Variants in FBXO31 observed in about 807,000 individuals in gnomAD.
FBXO31 encodes F-box only protein 31.
Under a neutral mutation model 54.4 loss-of-function variants are expected in FBXO31, and 24 were observed. The observed-to-expected ratio is 0.44, with a 90% CI of 0.32 to 0.62. FBXO31 has a LOEUF of 0.62. FBXO31 is among the 20% of genes least tolerant of loss of function. The pLI is 0.05. For missense variants in FBXO31, 665 were observed against 787.1 expected (o/e 0.84, Z 1.86); for synonymous variants, 388 against 335.6 (o/e 1.16, Z -1.71).
At chr16:87,382,628 A>AT (rs998245285) in intron 1 of FBXO31, among the ~76,000 whole-genome samples, 4 of 151,760 alleles carry the variant, frequency 2.6e-5, no homozygotes, top group Non-Finnish European at 5.9e-5. Flanking sequence ...TACTCCCGTA[A>AT]TTTTTTTTGT....
At position 87,358,592 on chromosome 16, in the gene FBXO31, T is replaced by G. The variant is rs1906000161; in HGVS notation, c.412+1703A>C. On this transcript the variant is annotated intron_variant, in intron 2 of 8. Transcript: ENST00000311635. This position sits in a 1 kb window ranked among gnomAD's most constrained non-coding sequence, Gnocchi z 4.0. The stretch of plus-strand genomic sequence containing the variant: ...CGACCCAATGCCTGCCCCTCACCAG[T>G]GTGATACAATCCCCTCGTGTTTATG... 6.6e-6 allele frequency: 1 copy of G among 152,600 alleles called. No homozygotes were observed. Among genetic ancestry groups the G allele is most frequent in the African/African-American group, 2.4e-5 (1 of 41,444 alleles). The allele number at this position is 152,600 out of a possible 1,614,324, so 9.5% of individuals were successfully genotyped here. A position where few individuals can be genotyped will look rare whatever the true frequency, so the allele number is the denominator to read the frequency against.
At position 87,354,400 on chromosome 16, in the gene FBXO31, G is replaced by A. The variant is rs1015872522; in HGVS notation, c.412+5895C>T. ...GAGGTCAGTCATCTGAGCCCGGGGA[G>A]ATGAAGGCTGCAGTGAGCCATAACC... On this transcript the variant is annotated intron_variant, in intron 2 of 8. Coordinates refer to ENST00000311635, the MANE Select transcript of FBXO31 (RefSeq NM_024735.5). 5.3e-5 allele frequency among the ~76,000 whole-genome samples: 8 copies of A among 151,780 alleles called. No individual in the cohort carries two copies. In the East Asian group the frequency reaches 1.5e-3, roughly 29 times the overall value.
chr16:87,369,936 G>A (rs1019311380), intron 1 of FBXO31, among the ~76,000 whole-genome samples: 1 of 152,138 alleles, frequency 6.6e-6, no homozygotes, highest in African/African-American at 2.4e-5. Context: ...CCAGTGACCT[G>A]ACCTGAGTCC....
intron 5 of FBXO31, among the ~76,000 whole-genome samples, chr16:87,340,883 A>T (rs576895893): frequency 3.3e-5 from 5 of 152,324 alleles, no homozygotes; most frequent in South Asian, 2.1e-4. Context: ...TAAGAAAAAA[A>T]CCTGGCAACT....
chr16:87,353,187 C>T (rs1241934450), intron 2 of FBXO31, among the ~76,000 whole-genome samples: 1 of 152,206 alleles, frequency 6.6e-6, no homozygotes, highest in East Asian at 1.9e-4. Flanking sequence ...CCTGGGTCCT[C>T]CTCCACTTTC....
At chr16:87,334,789 C>A (rs1306026662) in intron 7 of FBXO31, among the ~76,000 whole-genome samples, 1 of 152,214 alleles carries the variant, frequency 6.6e-6, no homozygotes, top group East Asian at 1.9e-4. Context: ...GGCAGGCGGG[C>A]AGCATGTGCC....
At chr16:87,331,908 T>G (rs1904873941) in intron 8 of FBXO31, among the ~76,000 whole-genome samples, 1 of 152,074 alleles carries the variant, frequency 6.6e-6, no homozygotes, top group Non-Finnish European at 1.5e-5. Context: ...GGAGGCCCAA[T>G]GTGAAAAAAA....
At chr16:87,343,301 T>C (rs146884910) in intron 4 of FBXO31, among the ~76,000 whole-genome samples, 15 of 152,366 alleles carry the variant, frequency 9.8e-5, no homozygotes, top group African/African-American at 2.6e-4. Context: ...GAGAGCGCAC[T>C]TGATTCCACA....
At chr16:87,360,234 T>G (rs1336439120) in intron 2 of FBXO31, 61 bp downstream of exon 2, 9 of 1,434,492 alleles carry the variant, frequency 6.3e-6, no homozygotes, top group Non-Finnish European at 7.9e-6. Context: ...TTGTCATTGA[T>G]GTGCACTGTC....
At position 87,327,807 on chromosome 16, in the gene FBXO31, T is replaced by C. The variant is rs1444717948; in HGVS notation, c.*3481A>G. 2 of 152,194 alleles carry C rather than the reference T, an allele frequency of 1.3e-5. No individual in the cohort carries two copies. The highest frequency in any genetic ancestry group is 6.5e-5 in the Admixed American group (1 of 15,274). 9.4% of individuals were successfully genotyped at this position (152,194 alleles called of 1,614,324 possible). On this transcript the variant is annotated 3_prime_UTR_variant, in exon 9 of 9. Transcript: ENST00000311635. ...GCCACGTTAACACTGGACTTGATCA[T>C]GATTCCAGGAGTTTTATTCTCAGGA...
chr16:87,344,833 C>A (rs1251038670), intron 3 of FBXO31, among the ~76,000 whole-genome samples: 2 of 152,184 alleles, frequency 1.3e-5, no homozygotes, highest in Non-Finnish European at 2.9e-5. Flanking sequence ...CACAGCGGCT[C>A]CCAGCAGATG....
chr16:87,370,588 C>T (rs1479234971), intron 1 of FBXO31, among the ~76,000 whole-genome samples: 1 of 152,114 alleles, frequency 6.6e-6, no homozygotes, highest in Non-Finnish European at 1.5e-5. Context: ...GTGGGGATGA[C>T]TGAGGAGGCA....
intron 1 of FBXO31, among the ~76,000 whole-genome samples, chr16:87,371,922 A>G (rs1906619989): frequency 1.3e-5 from 2 of 152,092 alleles, no homozygotes; most frequent in Admixed American, 1.3e-4. Context: ...TTAAAAAAAA[A>G]TAGTCTTAAA....
rs1348398835 is a variant in FBXO31, at chr16:87,336,336, G to C, written c.733-72C>G. 7.3e-7 allele frequency: 1 copy of C among 1,366,140 alleles called. No individual in the cohort carries two copies. The allele number at this position is 1,366,140 out of a possible 1,614,324, so 84.6% of individuals were successfully genotyped here. On this transcript the variant is annotated intron_variant, in intron 5 of 8. Transcript: ENST00000311635. This position sits in a 1 kb window ranked among gnomAD's most constrained non-coding sequence, Gnocchi z 6.5. ...TGAAGAGGCTGCCGGCTGTGCCGCTGAGAGGACACAGTGTGTCCTTCTTTG... is the reference window on the plus strand; with the variant it reads ...TGAAGAGGCTGCCGGCTGTGCCGCTCAGAGGACACAGTGTGTCCTTCTTTG...
intron 3 of FBXO31, among the ~76,000 whole-genome samples, chr16:87,344,106 G>T (rs1905281257): frequency 6.6e-6 from 1 of 152,268 alleles, no homozygotes; most frequent in African/African-American, 2.4e-5. Flanking sequence ...CCATTCAAAG[G>T]AGGCTTTGAG....
chr16:87,362,306 C>CT (rs533091222), intron 1 of FBXO31, among the ~76,000 whole-genome samples: 106 of 146,720 alleles, frequency 7.2e-4, no homozygotes, highest in Middle Eastern at 3.5e-3. Context: ...ACTGAGTTAT[C>CT]TTTTTTTTTT....
At chr16:87,349,606 G>A (rs978820571) in intron 2 of FBXO31, among the ~76,000 whole-genome samples, 4 of 152,126 alleles carry the variant, frequency 2.6e-5, no homozygotes, top group African/African-American at 4.8e-5. Context: ...AGCTACTCGG[G>A]AGGCTGAGGC....
chr16:87,349,601 C>G (rs1905551136), intron 2 of FBXO31, among the ~76,000 whole-genome samples: 1 of 152,082 alleles, frequency 6.6e-6, no homozygotes. Flanking sequence ...ATCCCAGCTA[C>G]TCGGGAGGCT....
upstream of FBXO31, among the ~76,000 whole-genome samples, chr16:87,387,827 G>A (rs377521223): frequency 2.0e-5 from 3 of 152,112 alleles, no homozygotes; most frequent in South Asian, 6.2e-4. Flanking sequence ...AAGAAAGAAA[G>A]AAAGCCACGT....
Sources: allele counts gnomAD v4.1 joint callset (sites outside exome capture counted in the v4.1 genomes callset), GRCh38; gene constraint gnomAD v4.1.1; non-coding constraint Gnocchi (gnomAD v3.1); transcripts MANE v1.5; gene names NCBI Gene and HGNC (gene_info 2026-07-23, HGNC 2026-07-21).